The following SIK3 variants were observed in gnomAD, a reference collection of about 807,000 sequenced individuals.
The protein encoded by SIK3 is SIK family kinase 3.
Under a neutral mutation model 144.2 loss-of-function variants are expected in SIK3, and 28 were observed. The observed-to-expected ratio is 0.19, with a 90% CI of 0.14 to 0.27. The LOEUF is 0.27. Ranked by LOEUF, SIK3 falls within the 10% of genes least tolerant of loss-of-function variation. SIK3 has a pLI of 1.00. For missense variants in SIK3, 1,319 were observed against 1,776.0 expected, an observed-to-expected ratio of 0.74 and a Z score of 4.62; for synonymous variants, 686 against 676.3, an observed-to-expected ratio of 1.01 and a Z score of -0.22.
At chr11:116,973,882 T>C (rs544863032) in intron 1 of SIK3, among the ~76,000 whole-genome samples, 3 of 152,084 alleles carry the variant, frequency 2.0e-5, no homozygotes, top group Non-Finnish European at 4.4e-5. Flanking sequence ...AAGAAAAGAC[T>C]GAGAAACTGT....
chr11:117,015,924 G>C (rs900061444), intron 1 of SIK3: 1 of 152,042 alleles, frequency 6.6e-6, no homozygotes, highest in Non-Finnish European at 1.5e-5. Context: ...TGGGTTATCA[G>C]AACTTATTAA....
chr11:116,861,458 C>A, intron 18 of SIK3, 75 bp from the exon 19 acceptor site: 1 of 1,118,230 alleles, frequency 8.9e-7, no homozygotes, highest in Non-Finnish European at 1.3e-6. Flanking sequence ...AGCCATACAA[C>A]ATATATCAGT....
In SIK3 at chr11:116,954,871, T is replaced by C. The variant is rs1257383801; in HGVS notation, c.391-764A>G. 2.0e-5 allele frequency among the ~76,000 whole-genome samples: 3 copies of C among 152,226 alleles called. 1 individual carries two copies. ...TCCCCAGAGGAACACTGTTCTCTGC[T>C]TATTGTATATCTTTCTACAACAGTG... On this transcript the variant is annotated intron_variant, in intron 2 of 24. Transcript: ENST00000445177.
chr11:116,973,705 T>C (rs980881948), intron 1 of SIK3, among the ~76,000 whole-genome samples: 4 of 152,220 alleles, frequency 2.6e-5, no homozygotes, highest in African/African-American at 9.6e-5. Context: ...TGATAGTATG[T>C]GCCCTTGGTA....
chr11:116,954,405 T>C (rs755093504), intron 2 of SIK3, among the ~76,000 whole-genome samples: 1 of 151,980 alleles, frequency 6.6e-6, no homozygotes, highest in South Asian at 2.1e-4. Context: ...GGCAAAGAAG[T>C]TGTCAAGAAC....
chr11:116,986,858 G>A (rs1215389759), intron 1 of SIK3, among the ~76,000 whole-genome samples: 1 of 152,148 alleles, frequency 6.6e-6, no homozygotes, highest in Admixed American at 6.5e-5. Context: ...CCATTTAGCT[G>A]TCATAAAGAA....
intron 3 of SIK3, among the ~76,000 whole-genome samples, chr11:116,944,965 CTTTTTT>C (rs201545149): frequency 6.9e-6 from 1 of 145,800 alleles, no homozygotes; most frequent in Non-Finnish European, 1.5e-5. Flanking sequence ...TTTCTTTTTT[CTTTTTT>C]TTTTTTGAGA....
chr11:116,961,810 T>G (rs1420900109), intron 1 of SIK3, among the ~76,000 whole-genome samples: 3 of 152,196 alleles, frequency 2.0e-5, no homozygotes, highest in Non-Finnish European at 4.4e-5. Flanking sequence ...GATAACAGAT[T>G]GTGAGAGTCC....
chr11:116,888,021 G>C (rs1944916572), intron 6 of SIK3, among the ~76,000 whole-genome samples: 1 of 152,156 alleles, frequency 6.6e-6, no homozygotes, highest in Non-Finnish European at 1.5e-5. Context: ...ACTGACAATA[G>C]AGAGCAGCTT....
At chr11:117,047,417 A>C (rs971812031) in intron 1 of SIK3, among the ~76,000 whole-genome samples, 2 of 152,232 alleles carry the variant, frequency 1.3e-5, no homozygotes, top group Non-Finnish European at 2.9e-5. Context: ...AATCATAAGA[A>C]GGCACAGGGC....
chr11:116,849,360 T>C lies in SIK3; in HGVS notation c.3656-77A>G, dbSNP rs1591359027. 1.9e-6 allele frequency: 3 copies of C among 1,569,126 alleles called. No homozygotes were observed. The East Asian group carries it at 6.8e-5, about 35-fold the overall frequency. On this transcript the variant is annotated intron_variant, in intron 21 of 24. Transcript: ENST00000445177. This position sits in a 1 kb window ranked among gnomAD's most constrained non-coding sequence, Gnocchi z 4.2. ...TGGAAACTCCCATCCAAGAAATGTCTTGCAAGGGACAATGGGCAAGGCTGA... is the reference window on the plus strand; with the variant it reads ...TGGAAACTCCCATCCAAGAAATGTCCTGCAAGGGACAATGGGCAAGGCTGA...
chr11:116,914,731 T>C (rs139523029), intron 4 of SIK3, among the ~76,000 whole-genome samples: 215 of 152,288 alleles, frequency 1.4e-3, no homozygotes, highest in Non-Finnish European at 2.4e-3. Context: ...GAAGGTTCTA[T>C]CAACAGTTCA....
chr11:116,911,187 T>C (rs1280005485), intron 4 of SIK3, among the ~76,000 whole-genome samples: 4 of 152,120 alleles, frequency 2.6e-5, no homozygotes, highest in African/African-American at 9.7e-5. Context: ...AGGTAAATTA[T>C]GGTACATCTA....
chr11:116,995,466 T>C (rs893618962), intron 1 of SIK3, among the ~76,000 whole-genome samples: 1 of 151,910 alleles, frequency 6.6e-6, no homozygotes. Context: ...TTTCACTATG[T>C]TGCCCAGGCT....
intron 1 of SIK3, among the ~76,000 whole-genome samples, chr11:117,048,561 C>A (rs1162609027): frequency 6.6e-6 from 1 of 152,018 alleles, no homozygotes; most frequent in Non-Finnish European, 1.5e-5. Flanking sequence ...GAGGCCGAGG[C>A]AGGAGAATCA....
intron 1 of SIK3, among the ~76,000 whole-genome samples, chr11:117,076,788 G>T (rs866862197): frequency 6.6e-6 from 1 of 151,908 alleles, no homozygotes; most frequent in African/African-American, 2.4e-5. Flanking sequence ...TGATCCACCC[G>T]CCTCGGCCTC....
intron 6 of SIK3, among the ~76,000 whole-genome samples, chr11:116,881,148 A>G (rs887791051): frequency 1.3e-5 from 2 of 152,010 alleles, no homozygotes; most frequent in Non-Finnish European, 2.9e-5. Flanking sequence ...AATAAAATAA[A>G]TAAATAAATA....
intron 4 of SIK3, among the ~76,000 whole-genome samples, chr11:116,911,439 G>A (rs1245969207): frequency 2.0e-5 from 3 of 152,070 alleles, no homozygotes; most frequent in Admixed American, 6.6e-5. Flanking sequence ...CCCGGGAGGC[G>A]GAGGCTGCAG....
At chr11:116,978,014 C>T (rs755519810) in intron 1 of SIK3, among the ~76,000 whole-genome samples, 47 of 152,268 alleles carry the variant, frequency 3.1e-4, no homozygotes, top group Admixed American at 1.2e-3. Context: ...GTCAGGAGAT[C>T]GAGACCGTCC....
Sources: allele counts gnomAD v4.1 joint callset (sites outside exome capture counted in the v4.1 genomes callset), GRCh38; gene constraint gnomAD v4.1.1; non-coding constraint Gnocchi (gnomAD v3.1); transcripts MANE v1.5; gene names NCBI Gene and HGNC (gene_info 2026-07-23, HGNC 2026-07-21).